GEN1: variants seen among roughly 807,000 people sequenced by gnomAD.
GEN1 encodes GEN1 structure-specific endonuclease.
A neutral mutation model predicts 67.6 loss-of-function variants in GEN1; 64 were observed. The observed-to-expected ratio is 0.95, with a 90% CI of 0.77 to 1.17. GEN1 has a LOEUF of 1.17. Ranked by LOEUF, GEN1 falls within the 50% of genes most tolerant of loss-of-function variation. The probability of loss-of-function intolerance (pLI) is 0.00; values close to 1 mark genes in which losing one functional copy is unlikely to be tolerated. For missense variants in GEN1, 1,058 were observed against 1,048.3 expected, an observed-to-expected ratio of 1.01 and a Z score of -0.13; for synonymous variants, 371 against 359.4, an observed-to-expected ratio of 1.03 and a Z score of -0.37.
At chr2:17,760,603 T>G (rs1488063364) in intron 2 of GEN1, among the ~76,000 whole-genome samples, 1 of 152,172 alleles carries the variant, frequency 6.6e-6, no homozygotes, top group Non-Finnish European at 1.5e-5. Flanking sequence ...ATTAGAATAA[T>G]CATAAATCTT....
At position 17,755,939 on chromosome 2, in the gene GEN1, G is replaced by A. The variant is rs997146047; in HGVS notation, c.-16+1594G>A. On this transcript the variant is annotated intron_variant, in intron 1 of 13. Transcript: ENST00000381254. ...ACCATATGGTTACATCAAAGGACTT[G>A]TTTTTGTTTTAACTGGAAGTGGATT... 2.0e-5 allele frequency among the ~76,000 whole-genome samples: 3 copies of A among 152,138 alleles called. No individual in the cohort carries two copies. In the East Asian group the frequency reaches 5.8e-4, roughly 29 times the overall value.
chr2:17,764,878 A>G lies in GEN1; in HGVS notation c.349-19A>G, dbSNP rs773943586. ...GTGAAAACATTCTTTAACATCTTGCACCTGCTTTTTGTTTTCAGTGCCTCC... is the reference window on the plus strand; with the variant it reads ...GTGAAAACATTCTTTAACATCTTGCGCCTGCTTTTTGTTTTCAGTGCCTCC... On this transcript the variant is annotated intron_variant, in intron 3 of 13. Coordinates refer to ENST00000381254, the MANE Select transcript of GEN1 (RefSeq NM_001130009.3). 1.5e-5 allele frequency: 24 copies of G among 1,606,030 alleles called. No individual in the cohort carries two copies. In the East Asian group the frequency reaches 4.0e-4, roughly 27 times the overall value.
chr2:17,770,913 C>CAT (rs201427576), intron 6 of GEN1, among the ~76,000 whole-genome samples: 56 of 150,328 alleles, frequency 3.7e-4, no homozygotes, highest in Middle Eastern at 6.9e-3. Flanking sequence ...TATATACATA[C>CAT]ATATATATAT....
chr2:17,770,896 G>T (rs2125141800), intron 6 of GEN1, among the ~76,000 whole-genome samples: 1 of 150,536 alleles, frequency 6.6e-6, no homozygotes, highest in South Asian at 2.1e-4. Context: ...AAGACTGATT[G>T]GATATATATA....
intron 3 of GEN1, among the ~76,000 whole-genome samples, chr2:17,764,430 GA>G (rs2125126893): frequency 6.6e-6 from 1 of 152,286 alleles, no homozygotes; most frequent in African/African-American, 2.4e-5. Flanking sequence ...TAATAGCAAT[GA>G]AATGTGAATA....
intron 2 of GEN1, among the ~76,000 whole-genome samples, chr2:17,760,684 G>A (rs1389243708): frequency 6.6e-6 from 1 of 152,166 alleles, no homozygotes; most frequent in Non-Finnish European, 1.5e-5. Flanking sequence ...CACTTTGGGA[G>A]GCCGAGGCAG....
In GEN1 at chr2:17,780,916, TCAAC is replaced by T; in HGVS notation, c.1706_1709del (p.Gln569ProfsTer10). 1 of 1,613,930 alleles carries T rather than the reference TCAAC, an allele frequency of 6.2e-7. No homozygotes were observed. The highest frequency in any genetic ancestry group is 8.5e-7 in the Non-Finnish European group (1 of 1,179,950). On this transcript the variant is annotated frameshift_variant, in exon 14 of 14. Coordinates refer to ENST00000381254, the MANE Select transcript of GEN1 (RefSeq NM_001130009.3). LOFTEE classifies it low-confidence loss of function (END_TRUNC). ...GTAAGTCTCTAATTTCAGAATCTAGTCAACCCAATACCTCATCTCATAATATATC... is the reference window on the plus strand; with the variant it reads ...GTAAGTCTCTAATTTCAGAATCTAGTCCAATACCTCATCTCATAATATATC...
intron 12 of GEN1, among the ~76,000 whole-genome samples, chr2:17,779,168 C>T (rs1437778548): frequency 6.6e-6 from 1 of 152,146 alleles, no homozygotes; most frequent in Non-Finnish European, 1.5e-5. Context: ...GGTGTTCCAC[C>T]CACTTCGGCC....
rs1436314914 is a variant in GEN1, at chr2:17,783,116, G to C, written c.*1177G>C. 6.6e-6 allele frequency: 1 copy of C among 152,202 alleles called. No individual in the cohort carries two copies. The highest frequency in any genetic ancestry group is 1.9e-4 in the East Asian group (1 of 5,200). The allele number at this position is 152,202 out of a possible 1,614,324, so 9.4% of individuals were successfully genotyped here. ...ACTCTTGTCGAGACTGGGGTGTAGT[G>C]GCGCCATCTTGGCTCACTGCAACCT... On this transcript the variant is annotated 3_prime_UTR_variant, in exon 14 of 14. Transcript: ENST00000381254.
In GEN1 at chr2:17,788,145, G is replaced by A. The variant is rs1247384710; in HGVS notation, c.*6206G>A. On this transcript the variant is annotated 3_prime_UTR_variant, in exon 14 of 14. Coordinates refer to ENST00000381254, the MANE Select transcript of GEN1 (RefSeq NM_001130009.3). ...ATCAACTGCTGTTCCTGTTCTGCTG[G>A]TAGCACTTAGGGTAAAACAGCTTAA... 1.3e-5 allele frequency: 2 copies of A among 152,202 alleles called. No individual in the cohort carries two copies. Among genetic ancestry groups the A allele is most frequent in the Non-Finnish European group, 2.9e-5 (2 of 68,052 alleles). The allele number at this position is 152,202 out of a possible 1,614,324, so 9.4% of individuals were successfully genotyped here.
chr2:17,771,170 T>A, intron 6 of GEN1, 26 bp from the exon 7 acceptor site: 1 of 1,500,156 alleles, frequency 6.7e-7, no homozygotes, highest in Non-Finnish European at 9.3e-7. Flanking sequence ...TTTTTTCCTT[T>A]TTTTAAAAAC....
chr2:17,759,086 A>G (rs1005494334), intron 1 of GEN1, among the ~76,000 whole-genome samples: 4 of 152,218 alleles, frequency 2.6e-5, no homozygotes, highest in Non-Finnish European at 4.4e-5. Context: ...TTTTGACTTA[A>G]TATATTATTG....
Position 17,771,788 on chromosome 2 carries a change from T to TAA in GEN1, c.802+512_802+513dup, listed in dbSNP as rs5829604. 5.1e-3 allele frequency among the ~76,000 whole-genome samples: 745 copies of TAA among 146,874 alleles called. 4 individuals carry two copies. The highest frequency in any genetic ancestry group is 8.1e-3 in the Non-Finnish European group (542 of 66,578). ...TGGATCTTCTTCATTAGTCTTGGTTTAAAAAAAAAAAAGACACTACGGAAC... is the reference window on the plus strand; with the variant it reads ...TGGATCTTCTTCATTAGTCTTGGTTTAAAAAAAAAAAAAAGACACTACGGAAC... On this transcript the variant is annotated intron_variant, in intron 7 of 13. Transcript: ENST00000381254.
At position 17,772,681 on chromosome 2, in the gene GEN1, G is replaced by T. The variant is rs1484208449; in HGVS notation, c.850G>T (p.Asp284Tyr). The change falls in exon 8 of 14, where the codon GAT becomes TAT. Residue 284 changes from aspartate to tyrosine, a missense_variant. Coordinates refer to ENST00000381254, the MANE Select transcript of GEN1 (RefSeq NM_001130009.3). ...TAATGGATGCAGATTATGTAAAAGTGATAAATATTGTGAGCCACATGACTA... is the reference window on the plus strand; with the variant it reads ...TAATGGATGCAGATTATGTAAAAGTTATAAATATTGTGAGCCACATGACTA... ...ERNGCRLCKS[D>Y]KYCEPHDYEY... 1.9e-6 allele frequency: 3 copies of T among 1,612,260 alleles called. No homozygotes were observed. Among genetic ancestry groups the T allele is most frequent in the Non-Finnish European group, 1.7e-6 (2 of 1,178,808 alleles).
Position 17,781,010 on chromosome 2 carries a change from G to T in GEN1, c.1798G>T (p.Ala600Ser), listed in dbSNP as rs200602120. 1 of 1,613,740 alleles carries T rather than the reference G, an allele frequency of 6.2e-7. No individual in the cohort carries two copies. The highest frequency in any genetic ancestry group is 1.1e-5 in the South Asian group (1 of 91,058). The change falls in exon 14 of 14, where the codon GCT (alanine) becomes TCT (serine). Residue 600 changes from alanine (A) to serine (S), a missense_variant. Physicochemically the swap from Ala to Ser is moderately conservative, Grantham distance 99 (BLOSUM62 1). Transcript: ENST00000381254. The part of the protein sequence containing the change: ...WEGTSFSNSP[A>S]IQRNTFSHDL... Reference sequence around the variant, plus strand: ...AGGTACTTCTTTTAGTAATTCTCCAGCTATTCAAAGGAATACTTTTTCTCA... The same window carrying T: ...AGGTACTTCTTTTAGTAATTCTCCATCTATTCAAAGGAATACTTTTTCTCA...
At position 17,777,974 on chromosome 2, in the gene GEN1, G is replaced by C. The variant is rs375074957; in HGVS notation, c.1203-28G>C. 90 of 1,292,722 alleles carry C rather than the reference G, an allele frequency of 7.0e-5. No individual in the cohort carries two copies. In the African/African-American group the frequency reaches 1.2e-3, roughly 18 times the overall value. The allele number at this position is 1,292,722 out of a possible 1,614,324, so 80.1% of individuals were successfully genotyped here. On this transcript the variant is annotated intron_variant, in intron 11 of 13. Transcript: ENST00000381254. ...AATTTCCAAATATCTTATGCAATTA[G>C]ACTTCATTAAATGAATTTGTTTTTC...
At chr2:17,773,421 T>G (rs1672285577) in intron 10 of GEN1, 122 bp downstream of exon 10, 1 of 621,584 alleles carries the variant, frequency 1.6e-6, no homozygotes, top group African/African-American at 1.9e-5. Context: ...CTTATATTTT[T>G]TCAGCATTTA....
At chr2:17,757,374 T>C (rs997756101) in intron 1 of GEN1, among the ~76,000 whole-genome samples, 2 of 152,050 alleles carry the variant, frequency 1.3e-5, no homozygotes, top group Admixed American at 6.6e-5. Context: ...AGAGTCTACC[T>C]TATTGCTGTT....
At chr2:17,777,553 CACCA>C (rs1157232427) in intron 11 of GEN1, among the ~76,000 whole-genome samples, 4 of 152,086 alleles carry the variant, frequency 2.6e-5, no homozygotes, top group Non-Finnish European at 5.9e-5. Flanking sequence ...TATCAGTAAT[CACCA>C]AAAATGTAAG....
Sources: allele counts gnomAD v4.1 joint callset (sites outside exome capture counted in the v4.1 genomes callset), GRCh38; gene constraint gnomAD v4.1.1; transcripts MANE v1.5; gene names NCBI Gene and HGNC (gene_info 2026-07-23, HGNC 2026-07-21).